LAMA4: variants seen among roughly 807,000 people sequenced by gnomAD.
The protein encoded by LAMA4 is laminin subunit alpha 4, also known as laminin subunit alpha-4.
A neutral mutation model predicts 207.1 loss-of-function variants in LAMA4; 127 were observed. The observed-to-expected ratio is 0.61, with a 90% CI of 0.53 to 0.71. LAMA4 has a LOEUF of 0.71. Ranked by LOEUF, LAMA4 falls within the 30% of genes least tolerant of loss-of-function variation. LAMA4 has a pLI of 0.00. For synonymous variants in LAMA4, 761 were observed against 816.0 expected (o/e 0.93, Z 1.15); for missense variants, 2,093 against 2,246.5 (o/e 0.93, Z 1.38).
intron 21 of LAMA4, 68 bp downstream of exon 21, chr6:112,141,290 A>G: frequency 1.5e-6 from 2 of 1,371,420 alleles, no homozygotes; most frequent in South Asian, 1.2e-5. Context: ...GTGTGCACGC[A>G]CATGTGCACG....
intron 2 of LAMA4, among the ~76,000 whole-genome samples, chr6:112,240,305 G>A (rs1350676146): frequency 2.6e-5 from 4 of 151,704 alleles, no homozygotes; most frequent in African/African-American, 9.7e-5. Flanking sequence ...ATATTTATGT[G>A]GTATGTGAGA....
At chr6:112,144,673 G>T in intron 19 of LAMA4, 121 bp downstream of exon 19, 1 of 1,161,552 alleles carries the variant, frequency 8.6e-7, no homozygotes, top group Non-Finnish European at 1.3e-6. Flanking sequence ...ATGGGGCTGA[G>T]AACTACTGAG....
At chr6:112,253,915 G>T (rs782294243) in intron 2 of LAMA4, 41 bp downstream of exon 2, 2 of 1,612,570 alleles carry the variant, frequency 1.2e-6, no homozygotes, top group Non-Finnish European at 1.7e-6. Context: ...CCGCGGGGGC[G>T]CAGGTGCCCC....
At chr6:112,145,555 C>A in intron 18 of LAMA4, among the ~76,000 whole-genome samples, 1 of 152,170 alleles carries the variant, frequency 6.6e-6, no homozygotes, top group East Asian at 1.9e-4. Context: ...CGAGACAGAG[C>A]AGGCAGTGTG....
Position 112,139,173 on chromosome 6 carries a change from T to A in LAMA4, c.3229A>T (p.Ile1077Leu). ...TTGTCAGCTGGTGTTCGAACTTCTA[T>A]GTCAAAGCGAGTCACCTGACCAAAT... ...GKFGQVTRFD[I>L]EVRTPADNGL... Residue 1077 changes from isoleucine (I) to leucine (L), a missense_variant, in exon 24 of 39, where the codon ATA becomes TTA. Around this residue, in one of 3 missense-constraint regions of LAMA4, gnomAD observed 1,704 missense variants for 1,788.4 expected, o/e 0.95. Coordinates refer to ENST00000230538, the MANE Select transcript of LAMA4 (RefSeq NM_001105206.3). 6.2e-7 allele frequency: 1 copy of A among 1,614,156 alleles called. No homozygotes were observed. Among genetic ancestry groups the A allele is most frequent in the Non-Finnish European group, 8.5e-7 (1 of 1,179,996 alleles).
chr6:112,215,061 A>C (rs1784552712), intron 3 of LAMA4, among the ~76,000 whole-genome samples: 1 of 152,240 alleles, frequency 6.6e-6, no homozygotes, highest in Non-Finnish European at 1.5e-5. Flanking sequence ...ATTATCAGAG[A>C]TGTACGTTAT....
In LAMA4 at chr6:112,173,526, T is replaced by C. The variant is rs540700977; in HGVS notation, c.1358-722A>G. ...AGGTGGAAGGAGGCCGAGTGGGAGA[T>C]GTGATTGGTCCCACTTCTCCAGGGA... On this transcript the variant is annotated intron_variant, in intron 11 of 38. Coordinates refer to ENST00000230538, the MANE Select transcript of LAMA4 (RefSeq NM_001105206.3). 1.8e-4 allele frequency among the ~76,000 whole-genome samples: 27 copies of C among 152,266 alleles called. No individual in the cohort carries two copies. The South Asian group carries it at 4.8e-3, about 27-fold the overall frequency.
intron 32 of LAMA4, chr6:112,121,782 T>C (rs1447838055): frequency 6.4e-6 from 3 of 465,214 alleles, no homozygotes; most frequent in African/African-American, 3.9e-5. Flanking sequence ...TTTGATCAAA[T>C]ACAGTATCCT....
chr6:112,156,114 A>G (rs1392527862), intron 14 of LAMA4, among the ~76,000 whole-genome samples: 4 of 152,112 alleles, frequency 2.6e-5, no homozygotes, highest in South Asian at 2.1e-4. Flanking sequence ...GAGTATGCAG[A>G]GCTTGGCCAG....
Sources: gnomAD v4.1 joint callset for allele counts (sites outside exome capture counted in the v4.1 genomes callset) on GRCh38, gnomAD v4.1.1 for gene constraint, gnomAD v4.1.1 regional missense constraint, MANE v1.5 for transcripts, NCBI Gene and HGNC (gene_info 2026-07-23, HGNC 2026-07-21) for gene names.